Variants in SLC35D4 observed in about 807,000 individuals in gnomAD.
SLC35D4 encodes the protein UDP-N-acetylglucosamine transporter SLC35D4.
the SLC35D4 span, among the ~76,000 whole-genome samples, chr18:23,283,495 A>G: frequency 1.8e-4 from 26 of 146,438 alleles, no homozygotes; most frequent in African/African-American, 6.6e-4. Context: ...AAAAAAAAAG[A>G]AAGAAAGAAA....
the SLC35D4 span, among the ~76,000 whole-genome samples, chr18:23,413,507 C>G: frequency 2.6e-5 from 4 of 152,206 alleles, no homozygotes; most frequent in Non-Finnish European, 1.5e-5. Flanking sequence ...GGGCAGTTGC[C>G]TCCTCCAGCA....
chr18:23,411,182 A>G, the SLC35D4 span, among the ~76,000 whole-genome samples: 1 of 134,878 alleles, frequency 7.4e-6, no homozygotes, highest in Non-Finnish European at 1.6e-5. Context: ...GAGGGAAGGA[A>G]GGAAGGAGAG....
At chr18:23,346,965 A>G in the SLC35D4 span, among the ~76,000 whole-genome samples, 3 of 152,184 alleles carry the variant, frequency 2.0e-5, no homozygotes, top group African/African-American at 7.2e-5. Flanking sequence ...CATGAGGAAT[A>G]TTGGTAATTT....
the SLC35D4 span, among the ~76,000 whole-genome samples, chr18:23,366,882 G>C: frequency 6.6e-6 from 1 of 152,218 alleles, no homozygotes; most frequent in African/African-American, 2.4e-5. Context: ...GAAGTTGTAG[G>C]TTTATAAGAC....
the SLC35D4 span, among the ~76,000 whole-genome samples, chr18:23,429,768 TA>T: frequency 1.3e-5 from 2 of 152,228 alleles, no homozygotes; most frequent in Non-Finnish European, 2.9e-5. Flanking sequence ...TTAGTGATGT[TA>T]AGCACTTTTT....
chr18:23,249,561 G>C, the SLC35D4 span, among the ~76,000 whole-genome samples: 1 of 152,222 alleles, frequency 6.6e-6, no homozygotes, highest in African/African-American at 2.4e-5. Context: ...TGCGTCTCCT[G>C]CTTTGTGCTC....
the SLC35D4 span, chr18:23,352,278 C>T: frequency 4.4e-6 from 7 of 1,606,126 alleles, no homozygotes; most frequent in Non-Finnish European, 5.9e-6. Flanking sequence ...GAGAAAGAAT[C>T]CCAAAAATCC....
At chr18:23,373,445 A>G in the SLC35D4 span, among the ~76,000 whole-genome samples, 1 of 152,228 alleles carries the variant, frequency 6.6e-6, no homozygotes, top group African/African-American at 2.4e-5. Flanking sequence ...TTCACCAGGC[A>G]TGTACAGAGG....
At chr18:23,264,583 G>A in the SLC35D4 span, among the ~76,000 whole-genome samples, 1 of 151,882 alleles carries the variant, frequency 6.6e-6, no homozygotes. Flanking sequence ...GGCTGGTCTC[G>A]AACTCTTGAC....
chr18:23,370,072 G>A, the SLC35D4 span: 4 of 596,228 alleles, frequency 6.7e-6, no homozygotes, highest in Admixed American at 3.3e-5. Context: ...CCAGCTACTC[G>A]GGAGGCTGAG....
the SLC35D4 span, among the ~76,000 whole-genome samples, chr18:23,318,081 G>T: frequency 6.6e-6 from 1 of 152,168 alleles, no homozygotes; most frequent in Non-Finnish European, 1.5e-5. Context: ...TACAAAGAAG[G>T]TTCCAATTTC....
chr18:23,272,523 T>C, the SLC35D4 span, among the ~76,000 whole-genome samples: 88 of 152,192 alleles, frequency 5.8e-4, no homozygotes, highest in Middle Eastern at 3.4e-3. Context: ...TGGAGTCAGA[T>C]TGGTGAGTTT....
the SLC35D4 span, among the ~76,000 whole-genome samples, chr18:23,244,452 G>A: frequency 6.6e-6 from 1 of 152,226 alleles, no homozygotes; most frequent in East Asian, 1.9e-4. Flanking sequence ...GGCTGCGTAG[G>A]CTACCCGTTT....
At chr18:23,325,958 T>G in the SLC35D4 span, among the ~76,000 whole-genome samples, 1 of 152,178 alleles carries the variant, frequency 6.6e-6, no homozygotes, top group Admixed American at 6.5e-5. Context: ...CACACACACA[T>G]TTTCTGAAGG....
chr18:23,344,415 C>A, the SLC35D4 span, among the ~76,000 whole-genome samples: 2 of 152,050 alleles, frequency 1.3e-5, no homozygotes, highest in Non-Finnish European at 2.9e-5. Flanking sequence ...GTTTTAAGTT[C>A]TTTCAGCAAT....
At chr18:23,289,930 CT>C in the SLC35D4 span, among the ~76,000 whole-genome samples, 2 of 152,202 alleles carry the variant, frequency 1.3e-5, no homozygotes, top group Admixed American at 6.5e-5. Flanking sequence ...GGCCCCACCC[CT>C]ATCTCCCTTT....
the SLC35D4 span, among the ~76,000 whole-genome samples, chr18:23,325,828 G>GC: frequency 6.8e-3 from 1,039 of 152,092 alleles, 10 homozygotes; most frequent in Non-Finnish European, 0.011. Flanking sequence ...GCTGGCAAGG[G>GC]CCCCCCCACC....
the SLC35D4 span, among the ~76,000 whole-genome samples, chr18:23,338,932 G>T: frequency 6.6e-6 from 1 of 152,094 alleles, no homozygotes; most frequent in African/African-American, 2.4e-5. Flanking sequence ...GCTCAGGCTG[G>T]AGTACAGTAG....
At chr18:23,353,857 C>A in the SLC35D4 span, among the ~76,000 whole-genome samples, 1 of 152,136 alleles carries the variant, frequency 6.6e-6, no homozygotes, top group Non-Finnish European at 1.5e-5. Context: ...GGTTCAGTTG[C>A]CTTAAAGTAG....
Sources: gnomAD v4.1 joint callset for allele counts (sites outside exome capture counted in the v4.1 genomes callset) on GRCh38, gnomAD v4.1.1 for gene constraint, MANE v1.5 for transcripts, NCBI Gene and HGNC (gene_info 2026-07-23, HGNC 2026-07-21) for gene names.